MED12L: variants seen among roughly 807,000 people sequenced by gnomAD.
MED12L encodes mediator of RNA polymerase II transcription subunit 12-like protein.
MED12L carries 60 observed loss-of-function variants against 281.3 expected under a neutral mutation model. That is an observed-to-expected ratio of 0.21 (90% CI 0.17 to 0.26). The LOEUF is 0.26. Among genes scored for constraint, MED12L ranks in the 10% least tolerant of loss-of-function variants. The probability of loss-of-function intolerance (pLI) is 1.00; values close to 1 mark genes in which losing one functional copy is unlikely to be tolerated. For synonymous variants in MED12L, 974 were observed against 987.2 expected (o/e 0.99, Z 0.25); for missense variants, 2,146 against 2,680.9 (o/e 0.80, Z 4.41).
chr3:151,163,985 G>C lies in MED12L; in HGVS notation c.1200G>C (p.Leu400=), dbSNP rs752528689. The change falls in exon 9 of 45, where the codon CTG becomes CTC. Residue 400 remains leucine (L), a synonymous_variant. Transcript: ENST00000687756. ...ACCCAGGCTCACCCCTGGATCTGCT[G>C]CAGGTGGCCCCGTCCAGCCTCCCCA... ...SANPGSPLDL[L]QVAPSSLPMP... is the part of the protein sequence containing the mutation. The C allele has an allele frequency of 1.9e-6, 3 of 1,613,884 alleles. No individual in the cohort carries two copies. Among genetic ancestry groups the C allele is most frequent in the Non-Finnish European group, 1.7e-6 (2 of 1,179,862 alleles).
chr3:151,135,070 A>G (rs1715949228), intron 5 of MED12L, among the ~76,000 whole-genome samples: 1 of 152,224 alleles, frequency 6.6e-6, no homozygotes, highest in South Asian at 2.1e-4. Flanking sequence ...TCTGTTGCTC[A>G]GGCTGGAGTG....
intron 2 of MED12L, among the ~76,000 whole-genome samples, chr3:151,103,864 A>G (rs1721681161): frequency 1.3e-5 from 2 of 152,150 alleles, no homozygotes; most frequent in South Asian, 4.1e-4. Context: ...TCATATGGCC[A>G]CCTAACCATC....
At chr3:151,295,756 A>G (rs989525464) in intron 16 of MED12L, among the ~76,000 whole-genome samples, 1 of 152,172 alleles carries the variant, frequency 6.6e-6, no homozygotes, top group Non-Finnish European at 1.5e-5. Context: ...AGTACTTAAG[A>G]TATTTTAGGG....
chr3:151,332,738 ATT>A (rs10710635), intron 16 of MED12L, among the ~76,000 whole-genome samples: 15 of 150,810 alleles, frequency 9.9e-5, no homozygotes, highest in Admixed American at 9.9e-4. Flanking sequence ...GACTGACGTG[ATT>A]TTTTTTTTAA....
intron 19 of MED12L, among the ~76,000 whole-genome samples, chr3:151,356,347 A>G (rs1208117446): frequency 6.6e-6 from 1 of 152,162 alleles, no homozygotes. Flanking sequence ...AGCCATGATC[A>G]TACAACTGCA....
intron 16 of MED12L, among the ~76,000 whole-genome samples, chr3:151,235,336 T>C (rs1732517929): frequency 1.3e-5 from 2 of 152,138 alleles, no homozygotes; most frequent in African/African-American, 4.8e-5. Flanking sequence ...AAGCTCTGCA[T>C]AAGAGTAGCA....
chr3:151,131,224 A>G lies in MED12L; in HGVS notation c.556+3240A>G, dbSNP rs541724298. Among the ~76,000 whole-genome samples the G allele has an allele frequency of 8.5e-5, 13 of 152,296 alleles. No individual in the cohort carries two copies. In the East Asian group the frequency reaches 2.3e-3, roughly 27 times the overall value. On this transcript the variant is annotated intron_variant, in intron 5 of 44. Coordinates refer to ENST00000687756, the MANE Select transcript of MED12L (RefSeq NM_001393769.1). ...AGTGTTTTTCCTGATGTTCAATTTAATCTGACTTCGACTGCTACAAAAATG... is the reference window on the plus strand; with the variant it reads ...AGTGTTTTTCCTGATGTTCAATTTAGTCTGACTTCGACTGCTACAAAAATG...
At chr3:151,356,742 C>T (rs1416868345) in intron 19 of MED12L, among the ~76,000 whole-genome samples, 1 of 152,016 alleles carries the variant, frequency 6.6e-6, no homozygotes, top group African/African-American at 2.4e-5. Context: ...CAGAACAAAC[C>T]TTATGATTTG....
chr3:151,368,596 TTTTA>T (rs1158442858), intron 25 of MED12L, among the ~76,000 whole-genome samples: 2 of 52,742 alleles, frequency 3.8e-5, no homozygotes, highest in Non-Finnish European at 6.9e-5. Context: ...ATTTATTTTA[TTTTA>T]TTTTATTTTA....
chr3:151,401,649 T>C (rs1263584784), intron 39 of MED12L, among the ~76,000 whole-genome samples: 2 of 152,236 alleles, frequency 1.3e-5, no homozygotes, highest in Non-Finnish European at 2.9e-5. Flanking sequence ...GATAGTCTCA[T>C]TTGTTAAAGG....
intron 16 of MED12L, among the ~76,000 whole-genome samples, chr3:151,233,616 C>G (rs1157078289): frequency 1.3e-5 from 2 of 152,130 alleles, no homozygotes; most frequent in African/African-American, 4.8e-5. Flanking sequence ...GTCTGTAATC[C>G]CAGCTACTCG....
chr3:151,169,662 T>C (rs868303952), intron 11 of MED12L, among the ~76,000 whole-genome samples: 6 of 152,330 alleles, frequency 3.9e-5, no homozygotes, highest in Middle Eastern at 3.4e-3. Flanking sequence ...AATAATAATA[T>C]AGCAATTATT....
At chr3:151,177,538 C>G (rs1722197100) in intron 11 of MED12L, among the ~76,000 whole-genome samples, 1 of 152,204 alleles carries the variant, frequency 6.6e-6, no homozygotes, top group Non-Finnish European at 1.5e-5. Context: ...GAGACAGGGT[C>G]TCACTGTCGC....
At chr3:151,103,865 C>T (rs1721681476) in intron 2 of MED12L, among the ~76,000 whole-genome samples, 2 of 152,168 alleles carry the variant, frequency 1.3e-5, no homozygotes, top group Non-Finnish European at 2.9e-5. Flanking sequence ...CATATGGCCA[C>T]CTAACCATCC....
intron 5 of MED12L, 28 bp downstream of exon 5, chr3:151,128,012 C>T (rs184694400): frequency 2.5e-6 from 4 of 1,583,310 alleles, no homozygotes; most frequent in East Asian, 2.2e-5. Context: ...ATACACCTTA[C>T]ATTTCATTAT....
intron 38 of MED12L, among the ~76,000 whole-genome samples, chr3:151,392,467 G>GAAAAAAAAAAAAAAAAAAAAAAAATAAAA (rs200781609): frequency 1.0e-5 from 1 of 95,860 alleles, no homozygotes; most frequent in Non-Finnish European, 2.0e-5. Flanking sequence ...TCCATCTCAA[G>GAAAAAAAAAAAAAAAAAAAAAAAATAAAA]AAAAAAAAAA....
At chr3:151,225,679 G>T (rs764778187) in intron 16 of MED12L, among the ~76,000 whole-genome samples, 1 of 152,114 alleles carries the variant, frequency 6.6e-6, no homozygotes, top group Non-Finnish European at 1.5e-5. Flanking sequence ...ACTCTTGTCC[G>T]TGCCCTGTCT....
At chr3:151,350,974 C>T (rs1246801374) in intron 17 of MED12L, among the ~76,000 whole-genome samples, 1 of 152,158 alleles carries the variant, frequency 6.6e-6, no homozygotes, top group Admixed American at 6.5e-5. Flanking sequence ...AGGTATCCTG[C>T]TACCACCACT....
intron 3 of MED12L, among the ~76,000 whole-genome samples, 158 bp from the exon 4 acceptor site, chr3:151,122,625 A>G (rs1713926678): frequency 6.6e-6 from 1 of 152,236 alleles, no homozygotes; most frequent in Non-Finnish European, 1.5e-5. Flanking sequence ...GTGTAAGGAA[A>G]TCACATCTCT....
Sources: gnomAD v4.1 joint callset for allele counts (sites outside exome capture counted in the v4.1 genomes callset) on GRCh38, gnomAD v4.1.1 for gene constraint, MANE v1.5 for transcripts, NCBI Gene and HGNC (gene_info 2026-07-23, HGNC 2026-07-21) for gene names.